RAPGEF6: variants seen among roughly 807,000 people sequenced by gnomAD.
RAPGEF6 encodes Rap guanine nucleotide exchange factor 6.
In RAPGEF6, 56 loss-of-function variants were observed where a neutral mutation model predicts 171.4. The observed-to-expected ratio is 0.33, with a 90% CI of 0.26 to 0.41. The LOEUF is 0.41. Among genes scored for constraint, RAPGEF6 ranks in the 10% least tolerant of loss-of-function variants. The pLI, the probability that RAPGEF6 is intolerant of heterozygous loss-of-function variation, is 1.00. For synonymous variants in RAPGEF6, 692 were observed against 650.1 expected, an observed-to-expected ratio of 1.06 and a Z score of -0.98; for missense variants, 1,674 against 1,921.4, an observed-to-expected ratio of 0.87 and a Z score of 2.41.
At chr5:131,435,702 T>TC in intron 24 of RAPGEF6, 1 of 582,646 alleles carries the variant, frequency 1.7e-6, no homozygotes, top group South Asian at 3.0e-5. Context: ...AAAAGCCTCC[T>TC]CTACATATTT....
rs1561458323 is a variant in RAPGEF6, at chr5:131,431,270, G to A, written c.4054C>T (p.His1352Tyr). The A allele has an allele frequency of 6.2e-7, 1 of 1,614,176 alleles. No individual in the cohort carries two copies. Among genetic ancestry groups the A allele is most frequent in the Non-Finnish European group, 8.5e-7 (1 of 1,180,010 alleles). ...CTGTCAGCTGCTTCTATAATGATATGCTCTTGAGAAATCTCTTCATTGCTC... is the reference window on the plus strand; with the variant it reads ...CTGTCAGCTGCTTCTATAATGATATACTCTTGAGAAATCTCTTCATTGCTC... Reference protein sequence around the residue: ...SVSNEEISQEHIIIEAADSGR... With the variant: ...SVSNEEISQEYIIIEAADSGR... Residue 1352 changes from histidine to tyrosine, a missense_variant, in exon 26 of 28, where the codon CAT (histidine) becomes TAT (tyrosine). Transcript: ENST00000509018.
intron 6 of RAPGEF6, among the ~76,000 whole-genome samples, chr5:131,532,421 A>G (rs1475932816): frequency 6.6e-6 from 1 of 152,214 alleles, no homozygotes; most frequent in Admixed American, 6.5e-5. Context: ...ATGCGGCCTC[A>G]GGCACCTGGC....
intron 1 of RAPGEF6, among the ~76,000 whole-genome samples, chr5:131,633,853 A>G (rs1360665852): frequency 1.3e-5 from 2 of 152,240 alleles, no homozygotes; most frequent in African/African-American, 4.8e-5. Context: ...AAATTCATAA[A>G]TCAGCTCACA....
chr5:131,560,366 C>T (rs1761523235), intron 5 of RAPGEF6, among the ~76,000 whole-genome samples: 1 of 152,182 alleles, frequency 6.6e-6, no homozygotes, highest in South Asian at 2.1e-4. Flanking sequence ...CCAACAATGT[C>T]ATTTATAGCT....
intron 5 of RAPGEF6, among the ~76,000 whole-genome samples, chr5:131,560,612 G>T (rs530633517): frequency 5.3e-4 from 81 of 152,222 alleles, no homozygotes; most frequent in African/African-American, 1.7e-3. Flanking sequence ...GCTCTAATAG[G>T]AATCCCATAT....
Position 131,455,791 on chromosome 5 carries a change from GT to G in RAPGEF6, c.3076+9del, listed in dbSNP as rs748264202. On this transcript the variant is annotated intron_variant, in intron 20 of 27. Transcript: ENST00000509018. ...ATGTGGTAAAACATCAATAAATAAT[GT>G]TTTCATACCTTCATGTAGAAATGTC... 1 of 1,601,416 alleles carries G rather than the reference GT, an allele frequency of 6.2e-7. No homozygotes were observed. The highest frequency in any genetic ancestry group is 8.5e-7 in the Non-Finnish European group (1 of 1,169,810).
intron 7 of RAPGEF6, among the ~76,000 whole-genome samples, chr5:131,516,818 T>G (rs1758116043): frequency 6.6e-6 from 1 of 151,954 alleles, no homozygotes; most frequent in African/African-American, 2.4e-5. Context: ...AGAAACACAT[T>G]CACACTGGAA....
At chr5:131,557,054 G>A (rs748742095) in intron 5 of RAPGEF6, among the ~76,000 whole-genome samples, 5 of 152,102 alleles carry the variant, frequency 3.3e-5, no homozygotes, top group Non-Finnish European at 7.4e-5. Flanking sequence ...GCAGACGTGT[G>A]TCACAACACC....
At chr5:131,458,651 G>C (rs1402612890) in intron 19 of RAPGEF6, among the ~76,000 whole-genome samples, 1 of 152,080 alleles carries the variant, frequency 6.6e-6, no homozygotes, top group Non-Finnish European at 1.5e-5. Flanking sequence ...AACATCAACA[G>C]AACTTTTTCT....
intron 1 of RAPGEF6, among the ~76,000 whole-genome samples, chr5:131,620,397 A>G (rs531064487): frequency 5.6e-4 from 86 of 152,362 alleles, no homozygotes; most frequent in Non-Finnish European, 1.0e-3. Flanking sequence ...ACCCATCAGC[A>G]ACTCAAGTGC....
At chr5:131,604,484 G>A (rs547689759) in intron 2 of RAPGEF6, 139 bp downstream of exon 2, 135 of 910,856 alleles carry the variant, frequency 1.5e-4, no homozygotes, top group Middle Eastern at 7.6e-4. Context: ...TAAACTCCAG[G>A]AAACCAGGGA....
intron 6 of RAPGEF6, among the ~76,000 whole-genome samples, chr5:131,526,522 G>A (rs1302699550): frequency 6.6e-6 from 1 of 152,090 alleles, no homozygotes; most frequent in Non-Finnish European, 1.5e-5. Flanking sequence ...CTGATACTTG[G>A]TTGGGAGTTC....
At chr5:131,559,298 C>T (rs541615468) in intron 5 of RAPGEF6, among the ~76,000 whole-genome samples, 18 of 151,984 alleles carry the variant, frequency 1.2e-4, no homozygotes, top group African/African-American at 4.3e-4. Context: ...CACTGCACCC[C>T]AGCCTAGACG....
chr5:131,517,774 C>T (rs901425805), intron 7 of RAPGEF6, among the ~76,000 whole-genome samples: 9 of 83,778 alleles, frequency 1.1e-4, no homozygotes, highest in East Asian at 3.0e-4. Context: ...GAAACATTCG[C>T]GCATGTACAC....
At chr5:131,634,940 C>G (rs770520957) in intron 1 of RAPGEF6, 22 bp downstream of exon 1, 1 of 1,614,004 alleles carries the variant, frequency 6.2e-7, no homozygotes, top group South Asian at 1.1e-5. Context: ...GTGAGACGCA[C>G]ATAAAGGTCA....
chr5:131,532,876 C>G (rs1208675987), intron 6 of RAPGEF6: 1 of 152,574 alleles, frequency 6.6e-6, no homozygotes, highest in African/African-American at 2.4e-5. Flanking sequence ...TCTGGTTAAA[C>G]ATTTTTATAT....
At chr5:131,456,084 C>T (rs372310687) in intron 19 of RAPGEF6, 72 bp from the exon 20 acceptor site, 9 of 1,042,502 alleles carry the variant, frequency 8.6e-6, no homozygotes, top group East Asian at 2.4e-5. Context: ...AGCATATACA[C>T]CATTTTCTCT....
At chr5:131,429,740 G>T (rs976987196) in intron 26 of RAPGEF6, among the ~76,000 whole-genome samples, 8 of 152,102 alleles carry the variant, frequency 5.3e-5, no homozygotes, top group African/African-American at 1.7e-4. Flanking sequence ...TGCTGGTACG[G>T]AGGAACTAAT....
chr5:131,542,589 A>T (rs991917482), intron 6 of RAPGEF6, among the ~76,000 whole-genome samples: 1 of 152,168 alleles, frequency 6.6e-6, no homozygotes, highest in African/African-American at 2.4e-5. Context: ...AAACAATTAC[A>T]CTGCAATATA....
Sources: gnomAD v4.1 joint callset for allele counts (sites outside exome capture counted in the v4.1 genomes callset) on GRCh38, gnomAD v4.1.1 for gene constraint, MANE v1.5 for transcripts, NCBI Gene and HGNC (gene_info 2026-07-23, HGNC 2026-07-21) for gene names.